Variants in ATP10A observed in about 807,000 individuals in gnomAD.
The protein encoded by ATP10A is phospholipid-transporting ATPase VA.
A neutral mutation model predicts 147.8 loss-of-function variants in ATP10A; 111 were observed. The observed-to-expected ratio is 0.75, with a 90% confidence interval of 0.64 to 0.88. ATP10A has a LOEUF of 0.88. ATP10A is among the 40% of genes least tolerant of loss of function. The probability of loss-of-function intolerance (pLI) is 0.00; values close to 1 mark genes in which losing one functional copy is unlikely to be tolerated. For missense variants in ATP10A, 1,927 were observed against 1,959.0 expected (o/e 0.98, Z 0.31); for synonymous variants, 875 against 841.6 (o/e 1.04, Z -0.69).
At chr15:25,698,651 C>CTA (rs1335545860) in intron 13 of ATP10A, among the ~76,000 whole-genome samples, 1 of 152,092 alleles carries the variant, frequency 6.6e-6, no homozygotes, top group Non-Finnish European at 1.5e-5. Flanking sequence ...GTCAACTGTA[C>CTA]TATAAACTGA....
Position 25,714,232 on chromosome 15 carries a change from T to C in ATP10A, c.1786A>G (p.Arg596Gly). 1 of 1,599,294 alleles carries C rather than the reference T, an allele frequency of 6.3e-7. No individual in the cohort carries two copies. Among genetic ancestry groups the C allele is most frequent in the Non-Finnish European group, 8.5e-7 (1 of 1,179,884 alleles). ...PDQPRTKVRVRFELKSPVKTI... is the reference protein window; with the variant it reads ...PDQPRTKVRVGFELKSPVKTI... The stretch of plus-strand genomic sequence containing the variant: ...TTCACCGGGGACTTCAGCTCAAACC[T>C]CACCCTCACCTGCAAGAGAAATGGT... Residue 596 changes from arginine (R) to glycine (G), a missense_variant, in exon 10 of 21, where the codon AGG (arginine) becomes GGG (glycine). By Grantham distance (125) the Arg-to-Gly change is moderately radical. Transcript: ENST00000555815.
chr15:25,706,260 G>A (rs1370646070), intron 12 of ATP10A, among the ~76,000 whole-genome samples: 1 of 152,182 alleles, frequency 6.6e-6, no homozygotes, highest in Admixed American at 6.5e-5. Context: ...CAAGAGAGGT[G>A]ACCGATGCAC....
intron 3 of ATP10A, 79 bp downstream of exon 3, chr15:25,735,977 T>C (rs756109234): frequency 3.2e-6 from 4 of 1,261,684 alleles, no homozygotes; most frequent in South Asian, 2.4e-5. Flanking sequence ...ATGCATACTT[T>C]ATAACTGAGA....
intron 7 of ATP10A, 87 bp downstream of exon 7, chr15:25,721,570 G>GTGTGTC (rs1902230193): frequency 7.8e-7 from 1 of 1,282,448 alleles, no homozygotes. Context: ...GTGTGTGTGT[G>GTGTGTC]TGTGTGTGTG....
At chr15:25,759,589 T>C (rs1888642658) in intron 2 of ATP10A, among the ~76,000 whole-genome samples, 1 of 152,046 alleles carries the variant, frequency 6.6e-6, no homozygotes, top group African/African-American at 2.4e-5. Context: ...GCGGATTGCT[T>C]GAGACCAAGA....
In ATP10A at chr15:25,770,053, G is replaced by A. The variant is rs1889253876; in HGVS notation, c.654+10966C>T. On this transcript the variant is annotated intron_variant, in intron 2 of 20. Transcript: ENST00000555815. ...TCTCAGACTTCCAGACTCCGGAACT[G>A]TGAGAAAATAAATTTCTGCAGTTTA... 2.6e-5 allele frequency among the ~76,000 whole-genome samples: 4 copies of A among 152,192 alleles called. No homozygotes were observed. The South Asian group carries it at 8.3e-4, about 31-fold the overall frequency.
upstream of ATP10A, among the ~76,000 whole-genome samples, chr15:25,864,127 G>A (rs77020106): frequency 3.9e-3 from 588 of 152,044 alleles, 9 homozygotes; most frequent in African/African-American, 0.014. Flanking sequence ...GGATGGTTGT[G>A]GGGAGGCGAG....
At chr15:25,797,357 T>C (rs537348023) in intron 1 of ATP10A, among the ~76,000 whole-genome samples, 1 of 152,324 alleles carries the variant, frequency 6.6e-6, no homozygotes, top group Admixed American at 6.5e-5. Context: ...GAATAAGGAC[T>C]CCTCAGTGGC....
intron 1 of ATP10A, among the ~76,000 whole-genome samples, chr15:25,841,328 G>T (rs1596985578): frequency 6.8e-6 from 1 of 147,766 alleles, no homozygotes. Context: ...ACCGTTTATT[G>T]GAAAACTATA....
chr15:25,792,887 T>TTTTTTTA (rs1555470776), intron 1 of ATP10A, among the ~76,000 whole-genome samples: 10 of 145,394 alleles, frequency 6.9e-5, no homozygotes, highest in Admixed American at 1.4e-4. Context: ...TTTTTTTTTT[T>TTTTTTTA]GAGATGGAGT....
upstream of ATP10A, among the ~76,000 whole-genome samples, chr15:25,864,189 G>A (rs1357396952): frequency 6.6e-6 from 1 of 152,074 alleles, no homozygotes; most frequent in African/African-American, 2.4e-5. Context: ...CAGAAGTGTG[G>A]GGCGAAGGGC....
At chr15:25,799,451 AC>A (rs1476173885) in intron 1 of ATP10A, among the ~76,000 whole-genome samples, 6 of 152,334 alleles carry the variant, frequency 3.9e-5, no homozygotes, top group Non-Finnish European at 5.9e-5. Context: ...CGGCCCAAGC[AC>A]CCTAAACTCA....
At chr15:25,765,172 C>T (rs985895838) in intron 2 of ATP10A, among the ~76,000 whole-genome samples, 2 of 152,028 alleles carry the variant, frequency 1.3e-5, no homozygotes, top group Non-Finnish European at 2.9e-5. Context: ...CACAGGGGGG[C>T]GGGGCGGGGG....
intron 1 of ATP10A, among the ~76,000 whole-genome samples, chr15:25,839,000 A>G (rs1018117006): frequency 2.0e-5 from 3 of 152,184 alleles, no homozygotes; most frequent in African/African-American, 4.8e-5. Flanking sequence ...ATAGCAGTAT[A>G]GTATTTATTT....
chr15:25,808,956 G>A (rs1156504298), intron 1 of ATP10A, among the ~76,000 whole-genome samples: 1 of 152,136 alleles, frequency 6.6e-6, no homozygotes, highest in African/African-American at 2.4e-5. Flanking sequence ...TAGTTGGGAG[G>A]GTGTGATGCT....
At chr15:25,816,667 A>T (rs1225215376) in intron 1 of ATP10A, among the ~76,000 whole-genome samples, 2 of 152,228 alleles carry the variant, frequency 1.3e-5, no homozygotes, top group African/African-American at 2.4e-5. Flanking sequence ...TGTCGGTGAT[A>T]ATGCTATTCA....
downstream of ATP10A, among the ~76,000 whole-genome samples, chr15:25,674,895 C>T (rs186821743): frequency 1.3e-5 from 2 of 152,348 alleles, no homozygotes; most frequent in Admixed American, 1.3e-4. Context: ...GGGTTGCTGT[C>T]GCCCTCCAGC....
At chr15:25,820,045 T>A (rs150299911) in intron 1 of ATP10A, among the ~76,000 whole-genome samples, 5 of 152,106 alleles carry the variant, frequency 3.3e-5, no homozygotes, top group African/African-American at 7.2e-5. Context: ...CCCCTTCAAT[T>A]TATACAAATT....
chr15:25,862,851 C>A lies in ATP10A; in HGVS notation c.246G>T (p.Gln82His), dbSNP rs1313147533. 1.2e-6 allele frequency: 2 copies of A among 1,610,618 alleles called. No homozygotes were observed. Among genetic ancestry groups the A allele is most frequent in the Non-Finnish European group, 1.7e-6 (2 of 1,178,566 alleles). The change falls in exon 1 of 21, where the codon CAG (glutamine) becomes CAT (histidine). Residue 82 changes from glutamine (Q) to histidine (H), a missense_variant. Transcript: ENST00000555815. ...LSFLPKNLFE[Q>H]FHRPANVYFV... ...AGTACACGTTGGCCGGGCGGTGGAA[C>A]TGCTCGAACAGGTTCTTGGGCAGGA... is the stretch of plus-strand genomic sequence containing the variant.
Sources: gnomAD v4.1 joint callset for allele counts (sites outside exome capture counted in the v4.1 genomes callset) on GRCh38, gnomAD v4.1.1 for gene constraint, MANE v1.5 for transcripts, NCBI Gene and HGNC (gene_info 2026-07-23, HGNC 2026-07-21) for gene names.